Variants in SHROOM3 observed in about 807,000 individuals in gnomAD.
SHROOM3 encodes protein Shroom3.
A neutral mutation model predicts 138.6 loss-of-function variants in SHROOM3; 47 were observed. The observed-to-expected ratio is 0.34, with a 90% confidence interval of 0.27 to 0.43. SHROOM3 has a LOEUF of 0.43. Ranked by LOEUF, SHROOM3 falls within the 20% of genes least tolerant of loss-of-function variation. The probability of loss-of-function intolerance (pLI) is 1.00; values close to 1 mark genes in which losing one functional copy is unlikely to be tolerated. For missense variants in SHROOM3, 2,491 were observed against 2,596.5 expected, an observed-to-expected ratio of 0.96 and a Z score of 0.88; for synonymous variants, 1,062 against 1,063.3, an observed-to-expected ratio of 1.00 and a Z score of 0.02.
At chr4:76,592,356 G>A (rs1734292274) in intron 2 of SHROOM3, among the ~76,000 whole-genome samples, 1 of 152,206 alleles carries the variant, frequency 6.6e-6, no homozygotes, top group South Asian at 2.1e-4. Flanking sequence ...GAAATAATTT[G>A]TGTAAAGCCT....
At chr4:76,591,300 C>A (rs1044588455) in intron 2 of SHROOM3, among the ~76,000 whole-genome samples, 1 of 152,162 alleles carries the variant, frequency 6.6e-6, no homozygotes, top group Non-Finnish European at 1.5e-5. Flanking sequence ...TAAATATAAT[C>A]ACCTAAAAGG....
chr4:76,710,148 GT>G lies in SHROOM3; in HGVS notation c.324-6del, dbSNP rs1412470290. ...ATGCTCAGCTTCTTCTTTTCCTATT[GT>G]TGACAGAGATGTGTGCACAGACCCA... On this transcript the variant is annotated splice_polypyrimidine_tract_variant and splice_region_variant and intron_variant, in intron 2 of 10. Transcript: ENST00000296043. The G allele has an allele frequency of 6.2e-7, 1 of 1,613,782 alleles. No individual in the cohort carries two copies. Among genetic ancestry groups the G allele is most frequent in the Admixed American group, 1.7e-5 (1 of 59,986 alleles).
intron 2 of SHROOM3, among the ~76,000 whole-genome samples, chr4:76,621,157 A>C (rs572621927): frequency 2.1e-4 from 32 of 152,020 alleles, no homozygotes; most frequent in Admixed American, 1.8e-3. Context: ...TTAAAAAAAA[A>C]AACAAAAAAC....
intron 3 of SHROOM3, chr4:76,716,478 T>A (rs1720380520): frequency 3.9e-6 from 2 of 514,494 alleles, no homozygotes; most frequent in South Asian, 1.4e-5. Context: ...ATGACAAGCC[T>A]TTAACAGCTG....
At position 76,739,114 on chromosome 4, in the gene SHROOM3, G is replaced by A. The variant is rs140762344; in HGVS notation, c.941G>A (p.Arg314Gln). Residue 314 changes from arginine to glutamine, a missense_variant, in exon 5 of 11, where the codon CGG (arginine) becomes CAG (glutamine). Around this residue, in one of 4 missense-constraint regions of SHROOM3, gnomAD observed 1,733 missense variants for 1,661.6 expected, o/e 1.04. Transcript: ENST00000296043. ...TATGTCAAGACAGTCTATGACACCCGGAGGGGAGTCTCAGCAGAGTATGAG... is the reference window on the plus strand; with the variant it reads ...TATGTCAAGACAGTCTATGACACCCAGAGGGGAGTCTCAGCAGAGTATGAG... ...IRYVKTVYDT[R>Q]RGVSAEYEVN... 137 of 1,614,212 alleles carry A rather than the reference G, an allele frequency of 8.5e-5. No homozygotes were observed. The African/African-American group carries it at 8.9e-4, about 11-fold the overall frequency.
In SHROOM3 at chr4:76,606,710, A is replaced by AC. The variant is rs1423189113; in HGVS notation, c.323+50947_323+50948insC. Among the ~76,000 whole-genome samples, 323 of 152,146 alleles carry AC rather than the reference A, an allele frequency of 2.1e-3. 2 individuals are homozygous for AC. Among genetic ancestry groups the AC allele is most frequent in the African/African-American group, 1.2e-3 (50 of 41,506 alleles). On this transcript the variant is annotated intron_variant, in intron 2 of 10. Transcript: ENST00000296043. ...AGAGCAGGACTCCCTCTCAAAAAAT[A>AC]AATACATACATACATACATACGTAC...
rs535825310 is a variant in SHROOM3 at position 76,716,242 on chromosome 4, C to T, written c.455+5955C>T. 1,623 of 500,432 alleles carry T rather than the reference C, an allele frequency of 3.2e-3. 11 individuals carry two copies. Among genetic ancestry groups the T allele is most frequent in the Non-Finnish European group, 4.2e-3 (1,040 of 249,620 alleles). 31.0% of individuals were successfully genotyped at this position (500,432 alleles called of 1,614,324 possible). A position where few individuals can be genotyped will look rare whatever the true frequency, so the allele number is the denominator to read the frequency against. Reference sequence around the variant, plus strand: ...TGCGCTGAGCTGGGCAAGTTCAAGGCGATTCAGGCCGTCCAACTGGAGGCA... The same window carrying T: ...TGCGCTGAGCTGGGCAAGTTCAAGGTGATTCAGGCCGTCCAACTGGAGGCA... On this transcript the variant is annotated intron_variant, in intron 3 of 10. Transcript: ENST00000296043.
At chr4:76,630,205 G>T (rs568929276) in intron 2 of SHROOM3, among the ~76,000 whole-genome samples, 7 of 152,322 alleles carry the variant, frequency 4.6e-5, no homozygotes, top group African/African-American at 1.7e-4. Context: ...TCATTTTACA[G>T]ATAAAGAGGC....
chr4:76,773,373 GAA>G (rs574066208), intron 10 of SHROOM3, among the ~76,000 whole-genome samples: 35 of 80,670 alleles, frequency 4.3e-4, no homozygotes, highest in Admixed American at 1.9e-3. Flanking sequence ...GACTGTCTCA[GAA>G]AAAAAAAAAA....
chr4:76,464,655 T>G (rs1417590872), intron 1 of SHROOM3, among the ~76,000 whole-genome samples: 1 of 152,182 alleles, frequency 6.6e-6, no homozygotes, highest in Non-Finnish European at 1.5e-5. Context: ...TGTTGGGGGA[T>G]GAACCTGATG....
intron 2 of SHROOM3, among the ~76,000 whole-genome samples, chr4:76,590,555 A>C (rs1734251094): frequency 6.6e-6 from 1 of 151,670 alleles, no homozygotes; most frequent in Non-Finnish European, 1.5e-5. Context: ...AAAACCAAAA[A>C]ACTGCTCCAC....
At chr4:76,657,044 G>A (rs1458498030) in intron 2 of SHROOM3, among the ~76,000 whole-genome samples, 2 of 152,080 alleles carry the variant, frequency 1.3e-5, no homozygotes, top group South Asian at 4.1e-4. Context: ...GGGCGTGGTG[G>A]CAGGTGCCTG....
At chr4:76,605,503 G>A (rs1734594857) in intron 2 of SHROOM3, among the ~76,000 whole-genome samples, 1 of 152,080 alleles carries the variant, frequency 6.6e-6, no homozygotes, top group Non-Finnish European at 1.5e-5. Context: ...GAACAGGCAG[G>A]TATGACTCAT....
intron 2 of SHROOM3, among the ~76,000 whole-genome samples, chr4:76,628,076 G>A (rs1328270672): frequency 6.6e-6 from 1 of 152,126 alleles, no homozygotes; most frequent in African/African-American, 2.4e-5. Flanking sequence ...CAGACTAACA[G>A]GTCTGTATGA....
intron 2 of SHROOM3, among the ~76,000 whole-genome samples, chr4:76,612,709 T>C (rs1420003208): frequency 6.6e-6 from 1 of 152,070 alleles, no homozygotes; most frequent in Non-Finnish European, 1.5e-5. Context: ...AACACTGAAG[T>C]AGGAGGATCC....
At chr4:76,758,621 C>T (rs116700360) in intron 8 of SHROOM3, 77 of 152,218 alleles carry the variant, frequency 5.1e-4, no homozygotes, top group African/African-American at 1.8e-3. Context: ...AAAAATGTAT[C>T]AGAAAATCTT....
chr4:76,609,967 A>G (rs1734728000), intron 2 of SHROOM3, among the ~76,000 whole-genome samples: 1 of 152,146 alleles, frequency 6.6e-6, no homozygotes, highest in South Asian at 2.1e-4. Context: ...ATTTTTATTT[A>G]TCTTTTGGAG....
At chr4:76,558,839 G>A (rs1465182392) in intron 2 of SHROOM3, among the ~76,000 whole-genome samples, 2 of 152,176 alleles carry the variant, frequency 1.3e-5, no homozygotes, top group Admixed American at 1.3e-4. Flanking sequence ...TAGTTCTGTA[G>A]GCACCAGTAT....
intron 1 of SHROOM3, among the ~76,000 whole-genome samples, chr4:76,445,595 TA>T (rs1262529278): frequency 6.6e-6 from 1 of 152,084 alleles, no homozygotes; most frequent in African/African-American, 2.4e-5. Context: ...AAGTCAGTGT[TA>T]TTGGAGTACA....
Sources: allele counts gnomAD v4.1 joint callset (sites outside exome capture counted in the v4.1 genomes callset), GRCh38; gene constraint gnomAD v4.1.1; regional missense constraint gnomAD v4.1.1; transcripts MANE v1.5; gene names NCBI Gene and HGNC (gene_info 2026-07-23, HGNC 2026-07-21).